The following MLF1 variants were observed in gnomAD, a reference collection of about 807,000 sequenced individuals.
MLF1 encodes myelodysplasia-myeloid leukemia factor 1.
Under a neutral mutation model 38.3 loss-of-function variants are expected in MLF1, and 37 were observed. That is an observed-to-expected ratio of 0.96 (90% CI 0.74 to 1.27). The LOEUF is 1.27. MLF1 is among the 50% of genes most tolerant of loss of function. MLF1 has a pLI of 0.00. For synonymous variants in MLF1, 95 were observed against 106.5 expected (o/e 0.89, Z 0.66); for missense variants, 331 against 349.2 (o/e 0.95, Z 0.42).
Position 158,592,497 on chromosome 3 carries a change from T to C in MLF1, c.111T>C (p.Phe37=). 1 of 1,612,608 alleles carries C rather than the reference T, an allele frequency of 6.2e-7. No individual in the cohort carries two copies. Among genetic ancestry groups the C allele is most frequent in the Non-Finnish European group, 8.5e-7 (1 of 1,179,450 alleles). ...TGATAAGAAGTTTTTCTGAACCCTTTGGAAGAGACTTGCTCAGTATCTCTG... is the reference window on the plus strand; with the variant it reads ...TGATAAGAAGTTTTTCTGAACCCTTCGGAAGAGACTTGCTCAGTATCTCTG... The part of the protein sequence containing the change: ...RQMIRSFSEP[F]GRDLLSISDG... The change falls in exon 2 of 8, where the codon TTT becomes TTC. Residue 37 remains phenylalanine (F), a synonymous_variant. Coordinates refer to ENST00000466246, the MANE Select transcript of MLF1 (RefSeq NM_001369783.1).
chr3:158,597,870 G>A (rs1313055908), intron 4 of MLF1, among the ~76,000 whole-genome samples: 3 of 152,054 alleles, frequency 2.0e-5, no homozygotes, highest in African/African-American at 2.4e-5. Flanking sequence ...ATGGACGACC[G>A]TTAGGACCCT....
intron 3 of MLF1, among the ~76,000 whole-genome samples, chr3:158,596,460 G>A (rs1201173481): frequency 1.3e-5 from 2 of 152,114 alleles, no homozygotes; most frequent in Non-Finnish European, 2.9e-5. Context: ...TTAGTTATTT[G>A]CATGGTGGAG....
chr3:158,572,248 TGGGGGGAGGAGG>T (rs1714553831), intron 1 of MLF1, among the ~76,000 whole-genome samples: 1 of 4,138 alleles, frequency 2.4e-4, no homozygotes, highest in Admixed American at 3.0e-3. Context: ...GACCGCGAGG[TGGGGGGAGGAGG>T]GTTGAGGGCG....
intron 1 of MLF1, among the ~76,000 whole-genome samples, chr3:158,577,843 A>C (rs1715686767): frequency 6.6e-6 from 1 of 152,222 alleles, no homozygotes; most frequent in African/African-American, 2.4e-5. Context: ...TCCATGAAAA[A>C]GGAGTGAACT....
chr3:158,579,346 T>C (rs1173613196), intron 1 of MLF1, among the ~76,000 whole-genome samples: 1 of 152,166 alleles, frequency 6.6e-6, no homozygotes, highest in African/African-American at 2.4e-5. Flanking sequence ...TAAAGCCTTA[T>C]CTCCAAGCAG....
At chr3:158,588,803 T>C (rs1205281126) in intron 1 of MLF1, 8 of 448,738 alleles carry the variant, frequency 1.8e-5, no homozygotes, top group African/African-American at 1.6e-4. Flanking sequence ...AATTAAGACA[T>C]AAGCTTCTAT....
At chr3:158,585,049 AAAAAAAG>A (rs1717035476) in intron 1 of MLF1, among the ~76,000 whole-genome samples, 1 of 148,774 alleles carries the variant, frequency 6.7e-6, no homozygotes, top group Non-Finnish European at 1.5e-5. Flanking sequence ...AAAAAAAAAA[AAAAAAAG>A]AAAAAGAAAA....
intron 1 of MLF1, among the ~76,000 whole-genome samples, chr3:158,577,943 A>G (rs1715705658): frequency 6.6e-6 from 1 of 152,234 alleles, no homozygotes; most frequent in Non-Finnish European, 1.5e-5. Flanking sequence ...ACTTCAAGAC[A>G]ATGGAAAAAT....
chr3:158,603,411 CAG>C (rs1720081823), intron 7 of MLF1, among the ~76,000 whole-genome samples: 1 of 152,136 alleles, frequency 6.6e-6, no homozygotes, highest in African/African-American at 2.4e-5. Context: ...TAATATGTAA[CAG>C]TACATGCAAT....
chr3:158,602,825 A>T lies in MLF1; in HGVS notation c.632A>T (p.Asp211Val), dbSNP rs185859110. Residue 211 changes from aspartate (D) to valine (V), a missense_variant, in exon 7 of 8, where the codon GAT becomes GTT. By Grantham distance (152) the Asp-to-Val change is radical. Coordinates refer to ENST00000466246, the MANE Select transcript of MLF1 (RefSeq NM_001369783.1). ...GACATAGGTGATGCTCATGCTTTTGATGAGGAGTGGCAAAGTGAGGTTTTG... is the reference window on the plus strand; with the variant it reads ...GACATAGGTGATGCTCATGCTTTTGTTGAGGAGTGGCAAAGTGAGGTTTTG... ...NMNESDAHAF[D>V]EEWQSEVLKY... The T allele has an allele frequency of 1.9e-6, 3 of 1,613,310 alleles. No homozygotes were observed. The highest frequency in any genetic ancestry group is 1.7e-5 in the Admixed American group (1 of 59,972).
At chr3:158,597,965 T>G in intron 4 of MLF1, 115 bp from the exon 5 acceptor site, 1 of 1,120,250 alleles carries the variant, frequency 8.9e-7, no homozygotes, top group Non-Finnish European at 1.3e-6. Flanking sequence ...CTACACCATA[T>G]TGGTAGTTTA....
intron 1 of MLF1, among the ~76,000 whole-genome samples, chr3:158,578,817 G>A (rs1715879611): frequency 6.6e-6 from 1 of 152,114 alleles, no homozygotes; most frequent in African/African-American, 2.4e-5. Context: ...AATCTGAAAA[G>A]TATAGAAAGT....
At chr3:158,600,640 T>C (rs1208160503) in intron 6 of MLF1, among the ~76,000 whole-genome samples, 1 of 151,602 alleles carries the variant, frequency 6.6e-6, no homozygotes, top group African/African-American at 2.4e-5. Flanking sequence ...GTGCTTATTT[T>C]AATTTACCAT....
chr3:158,584,372 A>G (rs1421578408), intron 1 of MLF1, among the ~76,000 whole-genome samples: 1 of 152,190 alleles, frequency 6.6e-6, no homozygotes. Context: ...TTTAAGGCTA[A>G]CCAGATTAAT....
At chr3:158,601,806 CTTTTTT>C (rs1188640734) in intron 6 of MLF1, among the ~76,000 whole-genome samples, 5 of 96,048 alleles carry the variant, frequency 5.2e-5, no homozygotes, top group Non-Finnish European at 7.5e-5. Context: ...TAAAATTATT[CTTTTTT>C]TTTTTTTTTT....
At chr3:158,585,887 C>T (rs941277851) in intron 1 of MLF1, among the ~76,000 whole-genome samples, 3 of 152,094 alleles carry the variant, frequency 2.0e-5, no homozygotes, top group African/African-American at 4.8e-5. Context: ...TTAAGCTGGG[C>T]GTGGTGGCTC....
At chr3:158,592,063 C>T (rs941074137) in intron 1 of MLF1, among the ~76,000 whole-genome samples, 1 of 152,106 alleles carries the variant, frequency 6.6e-6, no homozygotes, top group Non-Finnish European at 1.5e-5. Flanking sequence ...TGGGCAACAT[C>T]ATCTAACATA....
At chr3:158,582,039 G>C (rs755138370) in intron 1 of MLF1, among the ~76,000 whole-genome samples, 1 of 152,064 alleles carries the variant, frequency 6.6e-6, no homozygotes, top group Non-Finnish European at 1.5e-5. Context: ...AATTAGCCGG[G>C]CGTGGTGGTG....
chr3:158,588,618 AAAAAAAG>A (rs1560103381), intron 1 of MLF1, among the ~76,000 whole-genome samples: 4 of 97,714 alleles, frequency 4.1e-5, no homozygotes, highest in African/African-American at 2.2e-4. Context: ...AAAAAAAAAA[AAAAAAAG>A]CAGAAAAAAA....
Sources: gnomAD v4.1 joint callset for allele counts (sites outside exome capture counted in the v4.1 genomes callset) on GRCh38, gnomAD v4.1.1 for gene constraint, MANE v1.5 for transcripts, NCBI Gene and HGNC (gene_info 2026-07-23, HGNC 2026-07-21) for gene names.